Variants in RBM25 observed in about 807,000 individuals in gnomAD.
RBM25 encodes the protein RNA-binding protein 25.
RBM25 carries 19 observed loss-of-function variants against 120.7 expected under a neutral mutation model. The observed-to-expected ratio is 0.16, with a 90% confidence interval of 0.11 to 0.23. RBM25 has a LOEUF of 0.23. Ranked by LOEUF, RBM25 falls within the 10% of genes least tolerant of loss-of-function variation. The probability of loss-of-function intolerance (pLI) is 1.00; values close to 1 mark genes in which losing one functional copy is unlikely to be tolerated. For synonymous variants in RBM25, 390 were observed against 326.7 expected (o/e 1.19, Z -2.09); for missense variants, 605 against 1,041.5 (o/e 0.58, Z 5.77).
chr14:73,113,582 T>C (rs1293382383), intron 17 of RBM25, among the ~76,000 whole-genome samples: 1 of 151,712 alleles, frequency 6.6e-6, no homozygotes, highest in Non-Finnish European at 1.5e-5. Flanking sequence ...TCCCAGCTAC[T>C]CGGGAGGCTG....
intron 9 of RBM25, chr14:73,099,961 T>C: frequency 1.6e-6 from 1 of 629,350 alleles, no homozygotes. Context: ...AGTTACTGAC[T>C]ATTCTGCAGT....
chr14:73,087,864 TG>T, intron 5 of RBM25, 136 bp from the exon 6 acceptor site: 1 of 771,948 alleles, frequency 1.3e-6, no homozygotes, highest in South Asian at 2.1e-5. Flanking sequence ...CAAAGGGAAT[TG>T]GTGGACAGGG....
At chr14:73,062,252 T>C (rs1895021400) in intron 1 of RBM25, among the ~76,000 whole-genome samples, 1 of 151,612 alleles carries the variant, frequency 6.6e-6, no homozygotes, top group Non-Finnish European at 1.5e-5. Context: ...TGAAAAGCTT[T>C]GCTGTAAAAG....
chr14:73,063,295 G>A (rs923455358), intron 1 of RBM25, among the ~76,000 whole-genome samples: 1 of 150,874 alleles, frequency 6.6e-6, no homozygotes, highest in Non-Finnish European at 1.5e-5. Context: ...GACTACAGGC[G>A]CCTGCCACTA....
intron 1 of RBM25, chr14:73,068,113 C>T (rs1895185768): frequency 1.4e-6 from 1 of 731,736 alleles, no homozygotes; most frequent in Non-Finnish European, 2.3e-6. Context: ...TTACCTCGTT[C>T]ACAGACAGAA....
intron 2 of RBM25, among the ~76,000 whole-genome samples, chr14:73,074,431 CGAGTGTTCTA>C (rs1895365486): frequency 6.6e-6 from 1 of 151,988 alleles, no homozygotes; most frequent in Admixed American, 6.6e-5. Context: ...ATGCAAAGCC[CGAGTGTTCTA>C]GAAGTTATAG....
At position 73,097,119 on chromosome 14, in the gene RBM25, A is replaced by G; in HGVS notation, c.729+19A>G. 3 of 1,562,536 alleles carry G rather than the reference A, an allele frequency of 1.9e-6. No homozygotes were observed. The highest frequency in any genetic ancestry group is 1.4e-5 in the African/African-American group (1 of 72,310). Reference sequence around the variant, plus strand: ...GGAGGACGTATGTGTTCTGACAACAACATATCATTTCTACCGTTTGTTTTT... The same window carrying G: ...GGAGGACGTATGTGTTCTGACAACAGCATATCATTTCTACCGTTTGTTTTT... On this transcript the variant is annotated intron_variant, in intron 7 of 18. Transcript: ENST00000261973.
At chr14:73,107,309 A>G (rs1170105968) in intron 12 of RBM25, 1 of 152,670 alleles carries the variant, frequency 6.6e-6, no homozygotes, top group Non-Finnish European at 1.5e-5. Flanking sequence ...AAAAATTTAA[A>G]ATGTCTAATG....
intron 9 of RBM25, 125 bp downstream of exon 9, chr14:73,099,875 TA>T: frequency 7.6e-7 from 1 of 1,313,172 alleles, no homozygotes; most frequent in Non-Finnish European, 9.8e-7. Context: ...GTTTAATTGA[TA>T]TTTAGATAGA....
intron 5 of RBM25, 31 bp from the exon 6 acceptor site, chr14:73,087,970 T>C: frequency 5.0e-6 from 8 of 1,589,310 alleles, no homozygotes; most frequent in Non-Finnish European, 6.8e-6. Context: ...AGTGAATTGG[T>C]ATTTCACTAA....
chr14:73,081,533 T>C (rs938136123), intron 4 of RBM25, among the ~76,000 whole-genome samples: 3 of 152,182 alleles, frequency 2.0e-5, no homozygotes, highest in African/African-American at 7.2e-5. Context: ...ATTCCCCTTA[T>C]TGCTGTTCTG....
At chr14:73,115,584 ACAT>A (rs1896411119) in intron 18 of RBM25, among the ~76,000 whole-genome samples, 1 of 152,208 alleles carries the variant, frequency 6.6e-6, no homozygotes, top group African/African-American at 2.4e-5. Context: ...TTGACAGTAA[ACAT>A]CAAATCCCCG....
chr14:73,119,810 T>C lies in RBM25; in HGVS notation c.*5T>C, dbSNP rs570832896. 5.6e-6 allele frequency: 9 copies of C among 1,599,346 alleles called. No individual in the cohort carries two copies. The highest frequency in any genetic ancestry group is 1.4e-5 in the African/African-American group (1 of 73,888). On this transcript the variant is annotated 3_prime_UTR_variant, in exon 19 of 19. Transcript: ENST00000261973. Reference sequence around the variant, plus strand: ...AAAATTGGTCTTGTGAAGTAAAACTTTTTATATTTAGAGTTCCATTTCAGA... The same window carrying C: ...AAAATTGGTCTTGTGAAGTAAAACTCTTTATATTTAGAGTTCCATTTCAGA...
chr14:73,071,219 CCA>C (rs1310194166), intron 1 of RBM25, among the ~76,000 whole-genome samples: 1 of 143,684 alleles, frequency 7.0e-6, no homozygotes, highest in African/African-American at 2.6e-5. Context: ...TCTAGCCTGT[CCA>C]CAGAGTGAGA....
chr14:73,075,606 C>T (rs1566584888), intron 2 of RBM25, among the ~76,000 whole-genome samples: 4 of 152,094 alleles, frequency 2.6e-5, no homozygotes, highest in Non-Finnish European at 4.4e-5. Context: ...TCATGCACAA[C>T]GTTTTGAAAT....
intron 6 of RBM25, chr14:73,088,508 T>C (rs1895739860): frequency 1.2e-5 from 5 of 413,626 alleles, no homozygotes; most frequent in South Asian, 5.4e-5. Context: ...CTACACAATT[T>C]TTATTAGTTT....
intron 10 of RBM25, among the ~76,000 whole-genome samples, chr14:73,103,936 TCTCTCTCTCTCTCACACACACACACACA>T (rs1310070330): frequency 1.0e-3 from 52 of 50,518 alleles, no homozygotes; most frequent in African/African-American, 4.5e-3. Flanking sequence ...TCTCTCTCTC[TCTCTCTCTCTCTCACACACACACACACA>T]CACACACACA....
intron 6 of RBM25, among the ~76,000 whole-genome samples, chr14:73,093,132 A>G (rs1566592400): frequency 6.6e-6 from 1 of 152,230 alleles, no homozygotes; most frequent in Non-Finnish European, 1.5e-5. Flanking sequence ...TATTAACCAT[A>G]TATTCAAGAA....
intron 1 of RBM25, among the ~76,000 whole-genome samples, chr14:73,059,673 AG>A (rs1894953913): frequency 6.6e-6 from 1 of 152,158 alleles, no homozygotes; most frequent in South Asian, 2.1e-4. Flanking sequence ...TAGTCTTTGG[AG>A]CTTTTAATTT....
Sources: allele counts gnomAD v4.1 joint callset (sites outside exome capture counted in the v4.1 genomes callset), GRCh38; gene constraint gnomAD v4.1.1; transcripts MANE v1.5; gene names NCBI Gene and HGNC (gene_info 2026-07-23, HGNC 2026-07-21).